The following SOX5 variants were observed in gnomAD, a reference collection of about 807,000 sequenced individuals.
SOX5 encodes the protein SRY-box transcription factor 5.
Under a neutral mutation model 92.0 loss-of-function variants are expected in SOX5, and 9 were observed. The ratio of observed to expected loss-of-function variants is 0.10; its 90% CI spans 0.06 to 0.17. The LOEUF (loss-of-function observed/expected upper bound fraction) is 0.17. Among genes scored for constraint, SOX5 ranks in the 10% least tolerant of loss-of-function variants. The pLI is 1.00. For synonymous variants in SOX5, 344 were observed against 336.3 expected (o/e 1.02, Z -0.25); for missense variants, 642 against 944.5 (o/e 0.68, Z 4.20).
chr12:23,541,627 A>G (rs772429481), intron 13 of SOX5, among the ~76,000 whole-genome samples: 4 of 152,196 alleles, frequency 2.6e-5, no homozygotes, highest in Non-Finnish European at 4.4e-5. Context: ...CATGATATAT[A>G]TTTTTACACA....
intron 9 of SOX5, among the ~76,000 whole-genome samples, chr12:23,587,177 C>T (rs1001246612): frequency 6.6e-6 from 1 of 151,964 alleles, no homozygotes; most frequent in Non-Finnish European, 1.5e-5. Context: ...TATTATATAG[C>T]TCTTCACTTT....
chr12:23,921,864 GA>G (rs1938374618), intron 1 of SOX5, among the ~76,000 whole-genome samples: 1 of 152,096 alleles, frequency 6.6e-6, no homozygotes, highest in African/African-American at 2.4e-5. Context: ...ATCCAAACCG[GA>G]AAACAGAAAA....
rs2096792184 is a variant in SOX5 at position 23,864,635 on chromosome 12, A to AC, written c.271-18443dup. On this transcript the variant is annotated intron_variant, in intron 2 of 14. Transcript: ENST00000451604. The stretch of plus-strand genomic sequence containing the variant: ...CAGCCACAAAATTCATTTAAGCCAA[A>AC]CCCTAATCCAGAACAAGGCCCTAAC... Among the ~76,000 whole-genome samples, 3 of 152,320 alleles carry AC rather than the reference A, an allele frequency of 2.0e-5. 1 individual carries two copies. The South Asian group carries it at 6.2e-4, about 32-fold the overall frequency.
intron 3 of SOX5, among the ~76,000 whole-genome samples, chr12:24,245,099 T>C (rs559732901): frequency 4.3e-4 from 65 of 152,350 alleles, no homozygotes; most frequent in Non-Finnish European, 7.3e-4. Flanking sequence ...TCACAGTGTT[T>C]ACTCTTCCTT....
At chr12:23,823,270 A>G (rs746897769) in intron 3 of SOX5, among the ~76,000 whole-genome samples, 3 of 151,658 alleles carry the variant, frequency 2.0e-5, no homozygotes, top group Non-Finnish European at 2.9e-5. Context: ...TTCCTTTTCA[A>G]ATTTGTGCTT....
At chr12:23,674,810 C>T (rs2085397574) in intron 6 of SOX5, among the ~76,000 whole-genome samples, 1 of 151,498 alleles carries the variant, frequency 6.6e-6, no homozygotes, top group Non-Finnish European at 1.5e-5. Context: ...ACTATATATA[C>T]TACTATGTAA....
At chr12:24,011,747 T>C (rs535917067) in intron 4 of SOX5, among the ~76,000 whole-genome samples, 5 of 152,244 alleles carry the variant, frequency 3.3e-5, no homozygotes, top group Non-Finnish European at 5.9e-5. Flanking sequence ...TAAAGTAATG[T>C]ATCTGAAGTG....
chr12:24,294,070 A>G (rs1192742239), intron 2 of SOX5, among the ~76,000 whole-genome samples: 1 of 152,228 alleles, frequency 6.6e-6, no homozygotes, highest in African/African-American at 2.4e-5. Context: ...AGCATCAGAA[A>G]TACATGTGTT....
At chr12:23,992,093 G>A (rs954364790) in intron 4 of SOX5, among the ~76,000 whole-genome samples, 1 of 152,014 alleles carries the variant, frequency 6.6e-6, no homozygotes, top group Non-Finnish European at 1.5e-5. Flanking sequence ...ATTGGTTGGG[G>A]CTTATTAAAG....
rs78157542 is a variant in SOX5, at chr12:24,227,195, G to A, written c.-76-13778C>T. On this transcript the variant is annotated intron_variant, in intron 3 of 4. Coordinates refer to the SOX5 transcript ENST00000446891. ...CTAATGCTTTGAGGAAACAGCAGAC[G>A]TCAGACAGCAAGCCCAGAAAAACCT... The A allele has an allele frequency of 8.1e-3, 1,239 of 152,320 alleles. 5 individuals are homozygous for A. Among genetic ancestry groups the A allele is most frequent in the Non-Finnish European group, 0.012 (828 of 68,060 alleles). 9.4% of individuals were successfully genotyped at this position (152,320 alleles called of 1,614,324 possible). A position where few individuals can be genotyped will look rare whatever the true frequency, so the allele number is the denominator to read the frequency against.
chr12:24,473,369 G>C (rs1008094340), intron 1 of SOX5, among the ~76,000 whole-genome samples: 15 of 152,204 alleles, frequency 9.9e-5, no homozygotes, highest in African/African-American at 3.6e-4. Context: ...GTTGGGAGGA[G>C]ATGTGGGCAA....
intron 3 of SOX5, among the ~76,000 whole-genome samples, chr12:23,774,025 A>G (rs1187200625): frequency 3.3e-5 from 5 of 152,212 alleles, no homozygotes; most frequent in African/African-American, 9.6e-5. Context: ...TGCTCATTTT[A>G]AAAAGTAAAA....
chr12:24,529,746 G>A (rs1326524932), intron 1 of SOX5, among the ~76,000 whole-genome samples: 2 of 152,164 alleles, frequency 1.3e-5, no homozygotes, highest in African/African-American at 4.8e-5. Flanking sequence ...AAGGCTGGGC[G>A]CGGTGGCTCA....
At chr12:24,222,599 T>A (rs1195312977) in intron 3 of SOX5, among the ~76,000 whole-genome samples, 1 of 152,128 alleles carries the variant, frequency 6.6e-6, no homozygotes, top group Non-Finnish European at 1.5e-5. Flanking sequence ...AAGCGATATA[T>A]CTAGGTTTTA....
chr12:23,925,017 TA>T (rs149545974), intron 1 of SOX5, among the ~76,000 whole-genome samples: 186 of 145,296 alleles, frequency 1.3e-3, no homozygotes, highest in African/African-American at 4.3e-3. Context: ...GAATGATCAA[TA>T]AAAAAAAAAG....
chr12:23,587,477 ATT>A (rs760187042), intron 9 of SOX5, among the ~76,000 whole-genome samples: 11 of 152,134 alleles, frequency 7.2e-5, no homozygotes, highest in Non-Finnish European at 1.3e-4. Context: ...TTAAAAAATA[ATT>A]TCTTTGAAAA....
At chr12:24,274,687 C>G (rs1944227515) in intron 3 of SOX5, among the ~76,000 whole-genome samples, 1 of 140,416 alleles carries the variant, frequency 7.1e-6, no homozygotes, top group African/African-American at 2.6e-5. Context: ...AAAAAAAAAG[C>G]TTTCACTGTC....
At chr12:23,623,375 A>G (rs2077407172) in intron 8 of SOX5, among the ~76,000 whole-genome samples, 1 of 152,120 alleles carries the variant, frequency 6.6e-6, no homozygotes, top group South Asian at 2.1e-4. Flanking sequence ...AGTGTTTTGC[A>G]CATTGTTTAA....
intron 13 of SOX5, among the ~76,000 whole-genome samples, chr12:23,542,706 C>G (rs1662258378): frequency 6.6e-6 from 1 of 152,138 alleles, no homozygotes; most frequent in African/African-American, 2.4e-5. Flanking sequence ...AAATCTAAAA[C>G]TGATTTTCAA....
Sources: gnomAD v4.1 joint callset for allele counts (sites outside exome capture counted in the v4.1 genomes callset) on GRCh38, gnomAD v4.1.1 for gene constraint, MANE v1.5 for transcripts, NCBI Gene and HGNC (gene_info 2026-07-23, HGNC 2026-07-21) for gene names.